SET: variants seen among roughly 807,000 people sequenced by gnomAD.
SET encodes the protein protein SET.
In SET, 4 loss-of-function variants were observed where a neutral mutation model predicts 39.0. The ratio of observed to expected loss-of-function variants is 0.10; its 90% confidence interval spans 0.05 to 0.23. The LOEUF is 0.23. SET is among the 10% of genes least tolerant of loss of function. SET has a pLI of 1.00. For missense variants in SET, 137 were observed against 329.7 expected (o/e 0.42, Z 4.53); for synonymous variants, 114 against 115.9 (o/e 0.98, Z 0.11).
upstream of SET, among the ~76,000 whole-genome samples, chr9:128,685,640 A>G (rs1377456494): frequency 6.6e-6 from 1 of 152,002 alleles, no homozygotes; most frequent in Non-Finnish European, 1.5e-5. Context: ...CAGGCTCTGG[A>G]GATTTTTTGG....
At chr9:128,687,697 A>C (rs951297329), upstream of SET, among the ~76,000 whole-genome samples, 2 of 151,988 alleles carry the variant, frequency 1.3e-5, no homozygotes, top group Non-Finnish European at 2.9e-5. Context: ...GTTCTGGTTA[A>C]AAATGTCCAA....
upstream of SET, among the ~76,000 whole-genome samples, chr9:128,688,049 A>G (rs1861349263): frequency 6.6e-6 from 1 of 152,140 alleles, no homozygotes; most frequent in Non-Finnish European, 1.5e-5. Flanking sequence ...CATCTCTACT[A>G]AAAATACAAA....
upstream of SET, chr9:128,683,638 C>T (rs1262594091): frequency 2.2e-5 from 9 of 411,494 alleles, no homozygotes; most frequent in Non-Finnish European, 4.0e-5. Context: ...AACTTGCCCC[C>T]TCCCCCAAAG....
At position 128,694,854 on chromosome 9, in the gene SET, T is replaced by C. The variant is rs1225474811; in HGVS notation, c.*190T>C. 4 of 423,530 alleles carry C rather than the reference T, an allele frequency of 9.4e-6. No individual in the cohort carries two copies. In the East Asian group the frequency reaches 1.2e-4, roughly 12 times the overall value. 26.2% of individuals were successfully genotyped at this position (423,530 alleles called of 1,614,324 possible). A position where few individuals can be genotyped will look rare whatever the true frequency, so the allele number is the denominator to read the frequency against. On this transcript the variant is annotated 3_prime_UTR_variant, in exon 8 of 8. Transcript: ENST00000322030. ...GGGAAATACCTTGAGCAGAATACAATGGGAAAAGAGTCTCTACCCCTTTCT... is the reference window on the plus strand; with the variant it reads ...GGGAAATACCTTGAGCAGAATACAACGGGAAAAGAGTCTCTACCCCTTTCT...
upstream of SET, among the ~76,000 whole-genome samples, chr9:128,686,193 G>A (rs1029118024): frequency 6.6e-6 from 1 of 152,200 alleles, no homozygotes; most frequent in Middle Eastern, 3.4e-3. Context: ...GTGTGCCCCC[G>A]GCTCGCCTGT....
In SET at chr9:128,694,827, G is replaced by A; in HGVS notation, c.*163G>A. On this transcript the variant is annotated 3_prime_UTR_variant, in exon 8 of 8. Coordinates refer to ENST00000322030, the MANE Select transcript of SET (RefSeq NM_003011.4). Reference sequence around the variant, plus strand: ...TACTCCATGGTTCTCAATTTATTTGGGGGGAAATACCTTGAGCAGAATACA... The same window carrying A: ...TACTCCATGGTTCTCAATTTATTTGAGGGGAAATACCTTGAGCAGAATACA... The A allele has an allele frequency of 2.0e-6, 1 of 494,180 alleles. No individual in the cohort carries two copies. The highest frequency in any genetic ancestry group is 3.5e-6 in the Non-Finnish European group (1 of 285,236). The allele number at this position is 494,180 out of a possible 1,614,324, so 30.6% of individuals were successfully genotyped here.
At chr9:128,691,517 C>T (rs1483850693) in intron 2 of SET, among the ~76,000 whole-genome samples, 2 of 152,214 alleles carry the variant, frequency 1.3e-5, no homozygotes, top group Non-Finnish European at 2.9e-5. Flanking sequence ...GTTGCTCTAA[C>T]TTGCCTTACA....
upstream of SET, chr9:128,685,086 A>C (rs1861239770): frequency 5.2e-6 from 8 of 1,540,048 alleles, no homozygotes; most frequent in Middle Eastern, 2.0e-4. Flanking sequence ...CTTATGGAAG[A>C]AGCACTGAGG....
At chr9:128,692,821 G>T in intron 4 of SET, 47 bp from the exon 5 acceptor site, 1 of 1,511,526 alleles carries the variant, frequency 6.6e-7, no homozygotes, top group Non-Finnish European at 9.2e-7. Context: ...GTGAGCTTTG[G>T]TTGGAAGACC....
chr9:128,689,921 T>TCC (rs1242398743), intron 1 of SET: 1 of 102,064 alleles, frequency 9.8e-6, no homozygotes, highest in African/African-American at 3.7e-5. Context: ...CCCCTTCCTC[T>TCC]CCCCCCTCCC....
chr9:128,694,093 G>A lies in SET; in HGVS notation c.810+51G>A, dbSNP rs375612100. On this transcript the variant is annotated intron_variant, in intron 7 of 7. Coordinates refer to ENST00000322030, the MANE Select transcript of SET (RefSeq NM_003011.4). ...CAAAGATAACTTTTAAAGAATTCAT[G>A]TTATTTTGGGGTGTATATATATATA... is the stretch of plus-strand genomic sequence containing the variant. 5 of 1,373,932 alleles carry A rather than the reference G, an allele frequency of 3.6e-6. No individual in the cohort carries two copies. The African/African-American group carries it at 6.9e-5, about 19-fold the overall frequency. 85.1% of individuals were successfully genotyped at this position (1,373,932 alleles called of 1,614,324 possible).
chr9:128,691,760 A>G (rs1861543762), intron 2 of SET, 98 bp from the exon 3 acceptor site: 2 of 1,204,682 alleles, frequency 1.7e-6, no homozygotes, highest in Non-Finnish European at 2.3e-6. Flanking sequence ...GTTATTTTGC[A>G]TGACTCAAGC....
intron 2 of SET, 35 bp from the exon 3 acceptor site, chr9:128,691,823 C>G: frequency 6.3e-7 from 1 of 1,585,294 alleles, no homozygotes; most frequent in South Asian, 1.1e-5. Flanking sequence ...TTGTTAAATA[C>G]TATCATTGTC....
intron 2 of SET, 140 bp downstream of exon 2, chr9:128,691,367 C>T (rs1244428975): frequency 3.1e-6 from 2 of 639,580 alleles, no homozygotes; most frequent in South Asian, 4.0e-5. Flanking sequence ...TATGTAGATT[C>T]AGTGTTTTTT....
At chr9:128,688,206 C>T (rs1396611751), upstream of SET, among the ~76,000 whole-genome samples, 2 of 152,178 alleles carry the variant, frequency 1.3e-5, no homozygotes, top group African/African-American at 2.4e-5. Flanking sequence ...GCAAGACTCC[C>T]GTCTCAAAAC....
intron 1 of SET, among the ~76,000 whole-genome samples, chr9:128,690,908 C>T (rs1038384147): frequency 6.6e-6 from 1 of 152,116 alleles, no homozygotes. Flanking sequence ...CCTTAATGAT[C>T]GGTCTGTTGT....
upstream of SET, among the ~76,000 whole-genome samples, chr9:128,685,746 C>T (rs1433294748): frequency 6.6e-6 from 1 of 152,122 alleles, no homozygotes; most frequent in South Asian, 2.1e-4. Context: ...CAAAGGGAGC[C>T]GGGGGCCGGG....
Position 128,691,137 on chromosome 9 carries a change from C to T in SET, c.74-33C>T, listed in dbSNP as rs1309323884. ...CATCTGGAAAACTAGGTAAATTTAT[C>T]TTAGAATTAAGTTTTTTGCTCCTTT... On this transcript the variant is annotated intron_variant, in intron 1 of 7. Transcript: ENST00000322030. The T allele has an allele frequency of 2.9e-5, 45 of 1,547,848 alleles. No individual in the cohort carries two copies. The Admixed American group carries it at 6.3e-4, about 22-fold the overall frequency.
chr9:128,692,829 AC>A (rs1463005959), intron 4 of SET, 38 bp from the exon 5 acceptor site: 1 of 1,506,338 alleles, frequency 6.6e-7, no homozygotes, highest in Admixed American at 1.7e-5. Flanking sequence ...TGGTTGGAAG[AC>A]CTGTTCATAT....
Sources: gnomAD v4.1 joint callset for allele counts (sites outside exome capture counted in the v4.1 genomes callset) on GRCh38, gnomAD v4.1.1 for gene constraint, MANE v1.5 for transcripts, NCBI Gene and HGNC (gene_info 2026-07-23, HGNC 2026-07-21) for gene names.